The following THRB variants were observed in gnomAD, a reference collection of about 807,000 sequenced individuals.
THRB encodes nuclear receptor subfamily 1 group A member 2.
A neutral mutation model predicts 47.8 loss-of-function variants in THRB; 12 were observed. The ratio of observed to expected loss-of-function variants is 0.25; its 90% CI spans 0.16 to 0.41. The LOEUF (loss-of-function observed/expected upper bound fraction) is 0.41, where lower values mean the gene tolerates loss of function less well. THRB is among the 10% of genes least tolerant of loss of function. The pLI is 1.00. For missense variants in THRB, 348 were observed against 589.2 expected (o/e 0.59, Z 4.24); for synonymous variants, 218 against 212.2 (o/e 1.03, Z -0.24).
chr3:24,154,068 A>AT (rs1283303191), intron 5 of THRB, among the ~76,000 whole-genome samples: 1 of 152,194 alleles, frequency 6.6e-6, no homozygotes, highest in Non-Finnish European at 1.5e-5. Flanking sequence ...TCCAACTTTA[A>AT]TTTAGAAAAA....
intron 5 of THRB, among the ~76,000 whole-genome samples, chr3:24,161,510 GAAGGA>G (rs1294482046): frequency 2.0e-5 from 3 of 151,810 alleles, no homozygotes; most frequent in East Asian, 3.9e-4. Context: ...GGGAGAGGAA[GAAGGA>G]AAGGAAAGGA....
intron 4 of THRB, among the ~76,000 whole-genome samples, chr3:24,200,284 G>C (rs1156905672): frequency 6.6e-6 from 1 of 152,108 alleles, no homozygotes; most frequent in African/African-American, 2.4e-5. Context: ...ATCTTTATGA[G>C]ACTCGCCCCA....
intron 1 of THRB, among the ~76,000 whole-genome samples, chr3:24,413,022 C>G (rs2068439664): frequency 1.3e-5 from 2 of 151,876 alleles, no homozygotes; most frequent in South Asian, 2.1e-4. Flanking sequence ...GTTAAAGAGG[C>G]TTTCTTACAT....
At chr3:24,309,782 A>G (rs1559892886) in intron 2 of THRB, among the ~76,000 whole-genome samples, 1 of 152,220 alleles carries the variant, frequency 6.6e-6, no homozygotes, top group East Asian at 1.9e-4. Context: ...TAAATTGTTC[A>G]GCAATGCACA....
chr3:24,412,526 A>C (rs919316048), intron 1 of THRB, among the ~76,000 whole-genome samples: 1 of 151,844 alleles, frequency 6.6e-6, no homozygotes, highest in Non-Finnish European at 1.5e-5. Context: ...GTACAGATGG[A>C]TTAAAGAGTT....
rs374885395 is a variant in THRB at position 24,190,209 on chromosome 3, T to G, written c.148A>C (p.Lys50Gln). 5.5e-5 allele frequency: 89 copies of G among 1,614,020 alleles called. No homozygotes were observed. Among genetic ancestry groups the G allele is most frequent in the Non-Finnish European group, 7.5e-5 (88 of 1,180,006 alleles). ...AGATGTGGCGACGACTGTTCATTTT[T>G]CAACGTGCTGCGCCTCTCTGAATGG... The part of the protein sequence containing the change: ...KSHSERRSTL[K>Q]NEQSSPHLIQ... The change falls in exon 5 of 11, where the codon AAA becomes CAA. Residue 50 changes from lysine (K) to glutamine (Q), a missense_variant. Transcript: ENST00000646209.
At chr3:24,131,391 G>A (rs2033839132) in intron 9 of THRB, among the ~76,000 whole-genome samples, 1 of 152,164 alleles carries the variant, frequency 6.6e-6, no homozygotes, top group African/African-American at 2.4e-5. Context: ...AGGCGTCAAA[G>A]GCATGGGAAG....
chr3:24,361,651 GAGAAATATGGCCAGA>G (rs769259794), intron 1 of THRB, among the ~76,000 whole-genome samples: 13 of 152,174 alleles, frequency 8.5e-5, no homozygotes, highest in Non-Finnish European at 5.9e-5. Flanking sequence ...AGGTATGAAA[GAGAAATATGGCCAGA>G]AGAAATTTTC....
intron 2 of THRB, among the ~76,000 whole-genome samples, chr3:24,302,178 A>C (rs781507791): frequency 7.2e-5 from 11 of 152,230 alleles, no homozygotes; most frequent in Non-Finnish European, 1.5e-4. Context: ...TGAATGTATT[A>C]GCAAGTAGGG....
chr3:24,261,498 A>C (rs1576378831), intron 3 of THRB, among the ~76,000 whole-genome samples: 1 of 9,170 alleles, frequency 1.1e-4, no homozygotes, highest in African/African-American at 2.7e-4. Context: ...ATTCTGTCTC[A>C]AAAAAAAAAA....
intron 1 of THRB, among the ~76,000 whole-genome samples, chr3:24,415,538 A>G (rs2068664946): frequency 6.6e-6 from 1 of 151,856 alleles, no homozygotes; most frequent in Admixed American, 6.6e-5. Context: ...TTCAAAGGAA[A>G]AGGCATGGTT....
In THRB at chr3:24,285,473, C is replaced by A. The variant is rs540616412; in HGVS notation, c.-43+11753G>T. 9.3e-4 allele frequency among the ~76,000 whole-genome samples: 139 copies of A among 149,546 alleles called. 1 individual carries two copies. The highest frequency in any genetic ancestry group is 6.9e-3 in the Middle Eastern group (2 of 290). ...GGGAGGGATAGCATTGGGAGATATA[C>A]CTAATGCTAGAGGACGAGTTAGTGG... On this transcript the variant is annotated intron_variant, in intron 3 of 10. Transcript: ENST00000646209.
chr3:24,151,312 A>C (rs567875232), intron 6 of THRB, among the ~76,000 whole-genome samples: 45 of 152,294 alleles, frequency 3.0e-4, no homozygotes, highest in African/African-American at 8.4e-4. Context: ...CTTAATTTGA[A>C]ACTGAGCTAA....
At chr3:24,148,328 T>C (rs929146031) in intron 6 of THRB, among the ~76,000 whole-genome samples, 1 of 152,176 alleles carries the variant, frequency 6.6e-6, no homozygotes, top group Non-Finnish European at 1.5e-5. Context: ...GGTTTTGCCA[T>C]GTTGGCCAGG....
At chr3:24,149,815 CTACT>C (rs2036641212) in intron 6 of THRB, among the ~76,000 whole-genome samples, 1 of 152,098 alleles carries the variant, frequency 6.6e-6, no homozygotes, top group Admixed American at 6.5e-5. Flanking sequence ...TTAAAACAGT[CTACT>C]TATTTTAAAA....
intron 8 of THRB, among the ~76,000 whole-genome samples, chr3:24,133,982 C>G (rs141566097): frequency 1.1e-3 from 160 of 152,272 alleles, no homozygotes; most frequent in Non-Finnish European, 1.8e-3. Flanking sequence ...CCTACAGACT[C>G]CAGTTTGAGG....
intron 4 of THRB, among the ~76,000 whole-genome samples, chr3:24,202,290 T>C (rs1164072494): frequency 6.6e-6 from 1 of 152,220 alleles, no homozygotes; most frequent in Admixed American, 6.5e-5. Flanking sequence ...ACATACGTTT[T>C]TGGTATACAA....
chr3:24,278,726 C>G (rs917762383), intron 3 of THRB, among the ~76,000 whole-genome samples: 1 of 152,318 alleles, frequency 6.6e-6, no homozygotes, highest in South Asian at 2.1e-4. Context: ...TGGGCAAGAA[C>G]CTTGTCTCAA....
chr3:24,255,325 AAAAC>A (rs2051145229), intron 3 of THRB, among the ~76,000 whole-genome samples: 2 of 152,216 alleles, frequency 1.3e-5, no homozygotes, highest in Non-Finnish European at 2.9e-5. Context: ...CATGCAGTGT[AAAAC>A]AAAAATAACA....
Sources: gnomAD v4.1 joint callset for allele counts (sites outside exome capture counted in the v4.1 genomes callset) on GRCh38, gnomAD v4.1.1 for gene constraint, MANE v1.5 for transcripts, NCBI Gene and HGNC (gene_info 2026-07-23, HGNC 2026-07-21) for gene names.